The following SYN3 variants were observed in gnomAD, a reference collection of about 807,000 sequenced individuals.
The protein encoded by SYN3 is synapsin-3.
A neutral mutation model predicts 65.8 loss-of-function variants in SYN3; 35 were observed. The ratio of observed to expected loss-of-function variants is 0.53; its 90% CI spans 0.41 to 0.70. SYN3 has a LOEUF of 0.70. Ranked by LOEUF, SYN3 falls within the 30% of genes least tolerant of loss-of-function variation. The pLI, the probability that SYN3 is intolerant of heterozygous loss-of-function variation, is 0.00. For synonymous variants in SYN3, 270 were observed against 292.9 expected (o/e 0.92, Z 0.80); for missense variants, 680 against 749.0 (o/e 0.91, Z 1.08).
chr22:32,728,298 T>G lies in SYN3; in HGVS notation c.712-131562A>C, dbSNP rs74820290. 6.3e-3 allele frequency among the ~76,000 whole-genome samples: 963 copies of G among 152,248 alleles called. 9 individuals are homozygous for G. Among genetic ancestry groups the G allele is most frequent in the African/African-American group, 0.022 (913 of 41,540 alleles). ...CAAAGGAAACTATCATCAGGGTGAATGAAGTTTAATTGCCTATTTCTCCAG... is the reference window on the plus strand; with the variant it reads ...CAAAGGAAACTATCATCAGGGTGAAGGAAGTTTAATTGCCTATTTCTCCAG... On this transcript the variant is annotated intron_variant, in intron 6 of 13. Transcript: ENST00000358763.
At chr22:32,969,063 G>T (rs1048978096) in intron 3 of SYN3, among the ~76,000 whole-genome samples, 8 of 152,166 alleles carry the variant, frequency 5.3e-5, no homozygotes, top group African/African-American at 1.4e-4. Flanking sequence ...ACTAACAGGG[G>T]GCCGTGCTGA....
intron 13 of SYN3, 71 bp downstream of exon 13, chr22:32,517,972 C>A: frequency 7.2e-7 from 1 of 1,390,808 alleles, no homozygotes; most frequent in East Asian, 2.5e-5. Context: ...AAGTCCCTAA[C>A]CCTGAATCAG....
At chr22:32,602,511 G>T (rs920731387) in intron 6 of SYN3, among the ~76,000 whole-genome samples, 9 of 152,094 alleles carry the variant, frequency 5.9e-5, no homozygotes, top group Non-Finnish European at 1.0e-4. Context: ...TGCCAGGCTG[G>T]AGTGTAGTGA....
chr22:32,640,270 T>G lies in SYN3; in HGVS notation c.712-43534A>C, dbSNP rs139168994. Among the ~76,000 whole-genome samples the G allele has an allele frequency of 3.6e-3, 541 of 152,338 alleles. 4 individuals are homozygous for G. Among genetic ancestry groups the G allele is most frequent in the African/African-American group, 0.012 (514 of 41,574 alleles). On this transcript the variant is annotated intron_variant, in intron 6 of 13. Coordinates refer to ENST00000358763, the MANE Select transcript of SYN3 (RefSeq NM_003490.4). ...TTGTAGCATTTATCCCATGCCTCTC[T>G]GCTAGATTGTAAGCTCCTTGGAGGC...
chr22:32,694,057 C>T (rs890182834), intron 6 of SYN3, among the ~76,000 whole-genome samples: 32 of 150,864 alleles, frequency 2.1e-4, no homozygotes, highest in African/African-American at 7.3e-4. Context: ...CTGTTTTTTC[C>T]TTTGTTTTGT....
chr22:32,572,378 C>CTTT (rs2058779277), intron 7 of SYN3, among the ~76,000 whole-genome samples: 1 of 98,694 alleles, frequency 1.0e-5, no homozygotes, highest in African/African-American at 5.3e-5. Flanking sequence ...ACCCTCCCTC[C>CTTT]CATCTTTCCT....
chr22:32,957,255 G>A (rs138814571), intron 3 of SYN3, among the ~76,000 whole-genome samples: 227 of 152,270 alleles, frequency 1.5e-3, no homozygotes, highest in Non-Finnish European at 2.3e-3. Flanking sequence ...TTAAGTAAAC[G>A]CAAACATGGG....
intron 6 of SYN3, among the ~76,000 whole-genome samples, chr22:32,598,867 A>G (rs994772581): frequency 6.6e-6 from 1 of 152,154 alleles, no homozygotes; most frequent in African/African-American, 2.4e-5. Context: ...TGTTAAAAAA[A>G]CAGCAACATT....
chr22:32,811,711 C>A (rs2267180), intron 6 of SYN3, among the ~76,000 whole-genome samples: 3 of 151,944 alleles, frequency 2.0e-5, no homozygotes, highest in Non-Finnish European at 4.4e-5. Context: ...GTCATAGTTC[C>A]TAGTTAGTGG....
At chr22:32,934,352 G>A (rs1046352464) in intron 3 of SYN3, among the ~76,000 whole-genome samples, 1 of 152,116 alleles carries the variant, frequency 6.6e-6, no homozygotes, top group Non-Finnish European at 1.5e-5. Context: ...CTGGAGAGAA[G>A]TCACACTCAG....
chr22:32,643,294 G>A (rs548325084), intron 6 of SYN3, among the ~76,000 whole-genome samples: 1 of 152,154 alleles, frequency 6.6e-6, no homozygotes, highest in African/African-American at 2.4e-5. Context: ...TGGCCAAGCT[G>A]GTCTTGAACT....
chr22:32,966,322 A>G (rs1601805547), intron 3 of SYN3, among the ~76,000 whole-genome samples: 1 of 152,224 alleles, frequency 6.6e-6, no homozygotes, highest in East Asian at 1.9e-4. Flanking sequence ...CCAGGAGGAG[A>G]GACGTGCATA....
At chr22:32,924,693 T>C (rs1216815769) in intron 4 of SYN3, among the ~76,000 whole-genome samples, 1 of 152,238 alleles carries the variant, frequency 6.6e-6, no homozygotes, top group Non-Finnish European at 1.5e-5. Context: ...GAGGCACTGC[T>C]ATATTCATTT....
rs1464786444 is a variant in SYN3 at position 32,520,304 on chromosome 22, G to GT, written c.1319-1971_1319-1970insA. On this transcript the variant is annotated intron_variant, in intron 12 of 13. Transcript: ENST00000358763. ...AGGCCCAACACCACTTTTTCTTTCT[G>GT]CCTTTTTTTTTTTGTAGAGATGGGG... Among the ~76,000 whole-genome samples the GT allele has an allele frequency of 7.2e-3, 1,083 of 149,850 alleles. 14 individuals are homozygous for GT. Among genetic ancestry groups the GT allele is most frequent in the African/African-American group, 0.024 (968 of 40,754 alleles).
At chr22:32,519,270 T>C (rs2057834190) in intron 12 of SYN3, 1 of 152,054 alleles carries the variant, frequency 6.6e-6, no homozygotes, top group African/African-American at 2.4e-5. Flanking sequence ...CACTAAATAA[T>C]CATTACAAAA....
intron 1 of SYN3, among the ~76,000 whole-genome samples, chr22:33,018,663 G>A (rs2053511564): frequency 6.6e-6 from 1 of 152,238 alleles, no homozygotes; most frequent in African/African-American, 2.4e-5. Context: ...CTGCCCCACA[G>A]CGGCAACAGC....
chr22:32,817,747 G>A (rs1021355830), intron 6 of SYN3, among the ~76,000 whole-genome samples: 7 of 152,182 alleles, frequency 4.6e-5, no homozygotes, highest in Admixed American at 1.3e-4. Flanking sequence ...TGTTTATACC[G>A]TTAAGGACAT....
chr22:33,005,663 C>T (rs1323483422), intron 2 of SYN3, among the ~76,000 whole-genome samples: 1 of 152,204 alleles, frequency 6.6e-6, no homozygotes, highest in Admixed American at 6.5e-5. Flanking sequence ...TTTCTGCCCA[C>T]CTTTGGTGTT....
chr22:32,854,707 C>T (rs540400104), intron 6 of SYN3, among the ~76,000 whole-genome samples: 35 of 152,296 alleles, frequency 2.3e-4, no homozygotes, highest in African/African-American at 8.2e-4. Flanking sequence ...CTACCCACCC[C>T]GCGCCCCCAC....
Sources: gnomAD v4.1 joint callset for allele counts (sites outside exome capture counted in the v4.1 genomes callset) on GRCh38, gnomAD v4.1.1 for gene constraint, MANE v1.5 for transcripts, NCBI Gene and HGNC (gene_info 2026-07-23, HGNC 2026-07-21) for gene names.